The following COL25A1 variants were observed in gnomAD, a reference collection of about 807,000 sequenced individuals.
COL25A1 encodes collagen type XXV alpha 1 chain.
COL25A1 carries 103 observed loss-of-function variants against 128.4 expected under a neutral mutation model. That is an observed-to-expected ratio of 0.80 (90% CI 0.68 to 0.94). The LOEUF is 0.94. Among genes scored for constraint, COL25A1 ranks in the 40% least tolerant of loss-of-function variants. The pLI is 0.00. For synonymous variants in COL25A1, 279 were observed against 277.2 expected (o/e 1.01, Z -0.06); for missense variants, 745 against 840.0 (o/e 0.89, Z 1.40).
At chr4:109,041,741 CA>C (rs1759915007) in intron 5 of COL25A1, among the ~76,000 whole-genome samples, 1 of 151,854 alleles carries the variant, frequency 6.6e-6, no homozygotes, top group Non-Finnish European at 1.5e-5. Context: ...CAATAATGGT[CA>C]AAAAAATCCT....
intron 14 of COL25A1, among the ~76,000 whole-genome samples, chr4:108,900,880 A>C (rs1742757563): frequency 6.6e-6 from 1 of 152,156 alleles, no homozygotes; most frequent in African/African-American, 2.4e-5. Context: ...TAAGTATCTC[A>C]GAATAAAGAT....
chr4:109,067,362 T>C (rs76343349), intron 3 of COL25A1, among the ~76,000 whole-genome samples: 19 of 152,314 alleles, frequency 1.2e-4, no homozygotes, highest in East Asian at 1.9e-4. Flanking sequence ...TGAGACTCCA[T>C]TGAGCACCGG....
intron 6 of COL25A1, among the ~76,000 whole-genome samples, chr4:108,984,226 C>T (rs926885247): frequency 6.6e-6 from 1 of 152,294 alleles, no homozygotes; most frequent in African/African-American, 2.4e-5. Flanking sequence ...GTTTACAAAC[C>T]TTGAGGTAGA....
chr4:108,892,178 G>A (rs879714304), intron 16 of COL25A1, among the ~76,000 whole-genome samples: 7 of 152,076 alleles, frequency 4.6e-5, no homozygotes, highest in Non-Finnish European at 8.8e-5. Flanking sequence ...AAAGTAGGGG[G>A]AAAAACCCCA....
chr4:109,039,678 CA>C (rs1759688010), intron 5 of COL25A1, among the ~76,000 whole-genome samples: 2 of 152,162 alleles, frequency 1.3e-5, no homozygotes, highest in South Asian at 4.1e-4. Context: ...ACCTTGAAGA[CA>C]AAAGTCACGT....
intron 8 of COL25A1, among the ~76,000 whole-genome samples, chr4:108,971,535 C>T (rs913793462): frequency 6.6e-6 from 1 of 152,124 alleles, no homozygotes; most frequent in Admixed American, 6.5e-5. Flanking sequence ...CAGAAGAGGG[C>T]AAATGGAAAG....
At chr4:109,153,377 ATC>A (rs534343865) in intron 3 of COL25A1, among the ~76,000 whole-genome samples, 1,495 of 90,790 alleles carry the variant, frequency 0.016, 16 homozygotes, top group Non-Finnish European at 0.03. Flanking sequence ...GTGAAGCTCC[ATC>A]TCAAAAAAAA....
At chr4:108,878,567 C>T (rs12510037) in intron 19 of COL25A1, among the ~76,000 whole-genome samples, 82,718 of 151,780 alleles carry the variant, frequency 0.54, 23,781 homozygotes, top group East Asian at 1. Flanking sequence ...ATGATTGATA[C>T]GTAAAATTAT....
chr4:109,088,753 C>T (rs898709542), intron 3 of COL25A1, among the ~76,000 whole-genome samples: 3 of 152,158 alleles, frequency 2.0e-5, no homozygotes, highest in African/African-American at 7.2e-5. Flanking sequence ...CTCTTCTCTG[C>T]GGGGCCACAT....
intron 8 of COL25A1, among the ~76,000 whole-genome samples, chr4:108,945,732 C>T (rs992048620): frequency 5.3e-5 from 8 of 152,100 alleles, no homozygotes; most frequent in Admixed American, 1.3e-4. Flanking sequence ...GGCGCGATCT[C>T]GGCTCACTGC....
At chr4:109,121,018 A>C (rs910202814) in intron 3 of COL25A1, among the ~76,000 whole-genome samples, 1 of 152,070 alleles carries the variant, frequency 6.6e-6, no homozygotes, top group Non-Finnish European at 1.5e-5. Flanking sequence ...TCAAGACATC[A>C]ATTTTTCCCA....
intron 3 of COL25A1, among the ~76,000 whole-genome samples, chr4:109,207,585 G>A (rs1174559191): frequency 6.6e-6 from 1 of 152,086 alleles, no homozygotes; most frequent in Non-Finnish European, 1.5e-5. Context: ...TCAAGCCAAT[G>A]TTTTTAACAA....
intron 32 of COL25A1, among the ~76,000 whole-genome samples, chr4:108,828,165 G>A (rs1344650437): frequency 6.6e-6 from 1 of 152,158 alleles, no homozygotes; most frequent in African/African-American, 2.4e-5. Flanking sequence ...TTTTGAGACA[G>A]AGTCTTGCTC....
chr4:109,101,540 A>T (rs1765890213), intron 3 of COL25A1, among the ~76,000 whole-genome samples: 1 of 152,176 alleles, frequency 6.6e-6, no homozygotes, highest in Admixed American at 6.5e-5. Context: ...AATGTACAAA[A>T]TGTACGAAAG....
chr4:109,030,135 G>A (rs756417603), intron 5 of COL25A1, among the ~76,000 whole-genome samples: 27 of 152,168 alleles, frequency 1.8e-4, no homozygotes, highest in Non-Finnish European at 3.4e-4. Context: ...ACAAGCAGCA[G>A]AAGGCAGCTC....
chr4:108,925,625 T>A (rs2125907234), intron 11 of COL25A1, among the ~76,000 whole-genome samples: 1 of 152,276 alleles, frequency 6.6e-6, no homozygotes, highest in East Asian at 1.9e-4. Context: ...TAGGATAAAA[T>A]TTACAGAAAT....
chr4:109,014,167 C>T (rs1161898193), intron 5 of COL25A1, among the ~76,000 whole-genome samples: 1 of 152,020 alleles, frequency 6.6e-6, no homozygotes, highest in Admixed American at 6.6e-5. Context: ...ATTAGCTGGG[C>T]GTGGTGGCAC....
At chr4:109,143,330 C>G (rs1008742968) in intron 3 of COL25A1, among the ~76,000 whole-genome samples, 9 of 152,210 alleles carry the variant, frequency 5.9e-5, no homozygotes, top group Non-Finnish European at 1.2e-4. Flanking sequence ...TTCTGGCTGC[C>G]CTTAACGTTT....
chr4:108,933,386 T>C (rs1426025756), intron 11 of COL25A1, among the ~76,000 whole-genome samples: 5 of 152,192 alleles, frequency 3.3e-5, no homozygotes, highest in African/African-American at 4.8e-5. Flanking sequence ...CTTTTGTTTG[T>C]CTTAATAAGT....
Sources: allele counts gnomAD v4.1 joint callset (sites outside exome capture counted in the v4.1 genomes callset), GRCh38; gene constraint gnomAD v4.1.1; transcripts MANE v1.5; gene names NCBI Gene and HGNC (gene_info 2026-07-23, HGNC 2026-07-21).